The following SULF1 variants were observed in gnomAD, a reference collection of about 807,000 sequenced individuals.
SULF1 encodes extracellular sulfatase Sulf-1.
A neutral mutation model predicts 110.5 loss-of-function variants in SULF1; 46 were observed. The ratio of observed to expected loss-of-function variants is 0.42; its 90% CI spans 0.33 to 0.53. The LOEUF (loss-of-function observed/expected upper bound fraction) is 0.53. Among genes scored for constraint, SULF1 ranks in the 20% least tolerant of loss-of-function variants. The pLI is 0.12. For synonymous variants in SULF1, 371 were observed against 387.1 expected, an observed-to-expected ratio of 0.96 and a Z score of 0.49; for missense variants, 941 against 1,094.2, an observed-to-expected ratio of 0.86 and a Z score of 1.98.
chr8:69,539,127 G>A (rs1018512014), intron 3 of SULF1, among the ~76,000 whole-genome samples: 1 of 152,154 alleles, frequency 6.6e-6, no homozygotes, highest in Non-Finnish European at 1.5e-5. Flanking sequence ...TCAGACACTC[G>A]CCTTTGTCAT....
intron 1 of SULF1, among the ~76,000 whole-genome samples, chr8:69,493,391 C>T (rs1810068378): frequency 6.6e-6 from 1 of 151,678 alleles, no homozygotes; most frequent in Non-Finnish European, 1.5e-5. Flanking sequence ...GCCACTTTCA[C>T]AGCATTCTGG....
At chr8:69,617,343 T>G (rs1809230305) in intron 13 of SULF1, among the ~76,000 whole-genome samples, 1 of 134,172 alleles carries the variant, frequency 7.5e-6, no homozygotes, top group African/African-American at 2.8e-5. Context: ...CTTAGATGTA[T>G]ATACCACAGG....
At chr8:69,557,095 A>G (rs1815166616) in intron 3 of SULF1, among the ~76,000 whole-genome samples, 1 of 152,234 alleles carries the variant, frequency 6.6e-6, no homozygotes, top group African/African-American at 2.4e-5. Context: ...TGCAAAGGAC[A>G]TGATCTTGTT....
In SULF1 at chr8:69,601,807, C is replaced by T. The variant is rs750865660; in HGVS notation, c.1039C>T (p.Pro347Ser). The part of the protein sequence containing the change: ...DIRVPFFIRG[P>S]SVEPGSIVPQ... ...TCGTGTGCCTTTTTTTATTCGTGGT[C>T]CAAGTGTAGAACCAGGATCAATGTA... Residue 347 changes from proline to serine, a missense_variant, in exon 10 of 23, where the codon CCA (proline) becomes TCA (serine). Pro to Ser is a moderately conservative substitution (Grantham distance 74). Coordinates refer to ENST00000402687, the MANE Select transcript of SULF1 (RefSeq NM_001128205.2). 21 of 1,611,088 alleles carry T rather than the reference C, an allele frequency of 1.3e-5. No individual in the cohort carries two copies. The highest frequency in any genetic ancestry group is 1.7e-5 in the Non-Finnish European group (20 of 1,178,700).
rs1480321016 is a variant in SULF1 at position 69,660,556 on chromosome 8, TTA to T, written c.*2022_*2023del. The stretch of plus-strand genomic sequence containing the variant: ...CCTAAGAGAGGTTTTCTTCTTATTT[TTA>T]GATAATTCAAGTGCTTAGATAAATT... On this transcript the variant is annotated 3_prime_UTR_variant, in exon 23 of 23. Coordinates refer to ENST00000402687, the MANE Select transcript of SULF1 (RefSeq NM_001128205.2). 2 of 152,678 alleles carry T rather than the reference TTA, an allele frequency of 1.3e-5. No homozygotes were observed. The highest frequency in any genetic ancestry group is 2.9e-5 in the Non-Finnish European group (2 of 68,040). The allele number at this position is 152,678 out of a possible 1,614,324, so 9.5% of individuals were successfully genotyped here.
chr8:69,628,443 G>A (rs1810269639), intron 18 of SULF1, among the ~76,000 whole-genome samples: 1 of 152,110 alleles, frequency 6.6e-6, no homozygotes, highest in South Asian at 2.1e-4. Context: ...CCTTTGTTGG[G>A]GAGGCTTGCT....
chr8:69,475,477 A>T (rs1296775429), intron 1 of SULF1, among the ~76,000 whole-genome samples: 2 of 152,132 alleles, frequency 1.3e-5, no homozygotes, highest in African/African-American at 2.4e-5. Context: ...TGGGTGTAAG[A>T]AACATGGTGA....
intron 19 of SULF1, 148 bp downstream of exon 19, chr8:69,629,827 A>C: frequency 1.3e-6 from 1 of 741,776 alleles, no homozygotes; most frequent in Non-Finnish European, 2.1e-6. Context: ...AACTCAAATG[A>C]TTTTGCCATG....
intron 3 of SULF1, among the ~76,000 whole-genome samples, chr8:69,521,170 T>C (rs962474866): frequency 7.9e-5 from 12 of 152,182 alleles, no homozygotes; most frequent in African/African-American, 2.9e-4. Flanking sequence ...GGTTAATTCA[T>C]TTTTTCCTTT....
chr8:69,619,048 G>C (rs1316631354), intron 13 of SULF1, among the ~76,000 whole-genome samples: 1 of 152,128 alleles, frequency 6.6e-6, no homozygotes, highest in African/African-American at 2.4e-5. Context: ...ATGCATGGAA[G>C]AACATCTTTT....
intron 1 of SULF1, among the ~76,000 whole-genome samples, chr8:69,481,438 T>C (rs1809519248): frequency 6.6e-6 from 1 of 152,218 alleles, no homozygotes; most frequent in Non-Finnish European, 1.5e-5. Context: ...TTCATACTAT[T>C]TTCCTTTTCT....
At chr8:69,608,897 C>T (rs574048988) in intron 13 of SULF1, among the ~76,000 whole-genome samples, 4 of 152,180 alleles carry the variant, frequency 2.6e-5, no homozygotes, top group South Asian at 4.1e-4. Flanking sequence ...CCCCCGGACA[C>T]GTTTATGTAC....
intron 3 of SULF1, among the ~76,000 whole-genome samples, chr8:69,503,549 A>T (rs1239969705): frequency 6.6e-6 from 1 of 152,204 alleles, no homozygotes; most frequent in African/African-American, 2.4e-5. Flanking sequence ...AGAGTTATTT[A>T]TCTCTTGAAT....
rs1823839163 is a variant in SULF1, at chr8:69,623,937, TC to T, written c.1595-4del. 8.7e-6 allele frequency: 14 copies of T among 1,610,110 alleles called. No homozygotes were observed. The highest frequency in any genetic ancestry group is 1.2e-5 in the Non-Finnish European group (14 of 1,177,866). On this transcript the variant is annotated splice_polypyrimidine_tract_variant and splice_region_variant and intron_variant, in intron 14 of 22. Coordinates refer to ENST00000402687, the MANE Select transcript of SULF1 (RefSeq NM_001128205.2). ...CCATAGTAATGTATCTTCCCTTACT[TC>T]TAGAGTACAAGCCCAGATTTGTCCA...
intron 5 of SULF1, among the ~76,000 whole-genome samples, chr8:69,575,760 G>A (rs1223511465): frequency 6.6e-6 from 1 of 151,970 alleles, no homozygotes; most frequent in Non-Finnish European, 1.5e-5. Context: ...GAGGAGAAGT[G>A]TATGTTTATT....
chr8:69,501,230 C>T (rs1350569392), intron 2 of SULF1, among the ~76,000 whole-genome samples: 1 of 152,138 alleles, frequency 6.6e-6, no homozygotes, highest in East Asian at 1.9e-4. Context: ...ATTATGTTCT[C>T]TTTTATATCA....
chr8:69,605,495 G>A (rs112008229), intron 13 of SULF1, among the ~76,000 whole-genome samples: 3 of 152,096 alleles, frequency 2.0e-5, no homozygotes, highest in South Asian at 2.1e-4. Context: ...GATCCTCTTC[G>A]TTAGTAGAAA....
intron 1 of SULF1, among the ~76,000 whole-genome samples, chr8:69,483,417 A>T (rs527850680): frequency 4.2e-4 from 64 of 151,992 alleles, no homozygotes; most frequent in Non-Finnish European, 7.1e-4. Flanking sequence ...ACTAAGAAAC[A>T]GGCTGTGAAG....
chr8:69,512,649 C>T (rs902043828), intron 3 of SULF1, among the ~76,000 whole-genome samples: 6 of 152,094 alleles, frequency 3.9e-5, no homozygotes, highest in African/African-American at 4.8e-5. Flanking sequence ...GGTTGGAGAG[C>T]GTATAACCGA....
Sources: allele counts gnomAD v4.1 joint callset (sites outside exome capture counted in the v4.1 genomes callset), GRCh38; gene constraint gnomAD v4.1.1; transcripts MANE v1.5; gene names NCBI Gene and HGNC (gene_info 2026-07-23, HGNC 2026-07-21).